INPP5A: variants seen among roughly 807,000 people sequenced by gnomAD.
INPP5A encodes the protein 43 kDa inositol polyphosphate 5-phophatase.
INPP5A carries 14 observed loss-of-function variants against 65.2 expected under a neutral mutation model. The ratio of observed to expected loss-of-function variants is 0.21; its 90% CI spans 0.14 to 0.34. The LOEUF (loss-of-function observed/expected upper bound fraction) is 0.34, where lower values mean the gene tolerates loss of function less well. INPP5A is among the 10% of genes least tolerant of loss of function. The pLI, the probability that INPP5A is intolerant of heterozygous loss-of-function variation, is 1.00. For missense variants in INPP5A, 431 were observed against 545.6 expected (o/e 0.79, Z 2.09); for synonymous variants, 207 against 208.3 (o/e 0.99, Z 0.05).
intron 1 of INPP5A, among the ~76,000 whole-genome samples, chr10:132,576,293 C>T (rs78485287): frequency 0.023 from 3,548 of 152,334 alleles, 49 homozygotes; most frequent in South Asian, 0.039. Context: ...TCCTGAGGCT[C>T]ACAGCACAGC....
At chr10:132,765,743 A>G (rs1846830549) in intron 11 of INPP5A, 30 bp from the exon 12 acceptor site, 1 of 1,439,078 alleles carries the variant, frequency 6.9e-7, no homozygotes, top group African/African-American at 1.4e-5. Context: ...AACCAATGTG[A>G]CTTTATTTTC....
rs2071567699 is a variant in INPP5A, at chr10:132,587,982, A to T, written c.76-19933A>T. On this transcript the variant is annotated intron_variant, in intron 1 of 15. Coordinates refer to ENST00000368594, the MANE Select transcript of INPP5A (RefSeq NM_005539.5). The surrounding 1 kb of genome is among the most constrained non-coding windows in gnomAD (Gnocchi z 4.3). ...AGCCAAGATGGCGCCATTGCCCTCC[A>T]GCCTGGGCAACAAGAGTAAAACTCC... Among the ~76,000 whole-genome samples, 1 of 138,710 alleles carries T rather than the reference A, an allele frequency of 7.2e-6. No homozygotes were observed. The highest frequency in any genetic ancestry group is 2.5e-4 in the South Asian group (1 of 4,058). 91.0% of individuals were successfully genotyped at this position (138,710 alleles called of 152,430 possible).
At chr10:132,655,526 C>T (rs894181492) in intron 4 of INPP5A, among the ~76,000 whole-genome samples, 3 of 152,238 alleles carry the variant, frequency 2.0e-5, no homozygotes, top group African/African-American at 7.2e-5. Flanking sequence ...AGTCAGCGCC[C>T]AGAGAGCCGA....
intron 1 of INPP5A, among the ~76,000 whole-genome samples, chr10:132,560,256 C>T (rs1179796601): frequency 2.7e-5 from 4 of 149,840 alleles, no homozygotes; most frequent in Admixed American, 6.7e-5. Context: ...TGCTGGGTCA[C>T]GATGTGTCTT....
At chr10:132,701,722 A>G (rs2134508270) in intron 6 of INPP5A, among the ~76,000 whole-genome samples, 1 of 151,794 alleles carries the variant, frequency 6.6e-6, no homozygotes, top group East Asian at 1.9e-4. Flanking sequence ...CCTGCTGATG[A>G]CTCTGGGGAC....
chr10:132,745,635 C>T (rs1184951634), intron 9 of INPP5A, among the ~76,000 whole-genome samples: 3 of 129,852 alleles, frequency 2.3e-5, no homozygotes, highest in Admixed American at 7.6e-5. Context: ...TGGTGGGCCT[C>T]GGGCGTGGTG....
chr10:132,620,226 G>A (rs2072091694), intron 2 of INPP5A, among the ~76,000 whole-genome samples: 1 of 152,242 alleles, frequency 6.6e-6, no homozygotes, highest in Admixed American at 6.5e-5. Context: ...TGTCTCGTCT[G>A]TTGGCACTCG....
At chr10:132,633,278 T>G (rs2072298099) in intron 2 of INPP5A, among the ~76,000 whole-genome samples, 4 of 152,156 alleles carry the variant, frequency 2.6e-5, no homozygotes, top group African/African-American at 9.7e-5. Context: ...AGTGAAGCAT[T>G]TACATTTACC....
intron 11 of INPP5A, among the ~76,000 whole-genome samples, chr10:132,750,197 A>T (rs1256658871): frequency 6.6e-6 from 1 of 152,238 alleles, no homozygotes; most frequent in Non-Finnish European, 1.5e-5. Flanking sequence ...CCTCACTCTG[A>T]AGTGGGAGAC....
At chr10:132,642,888 C>G (rs970975419) in intron 2 of INPP5A, among the ~76,000 whole-genome samples, 5 of 152,152 alleles carry the variant, frequency 3.3e-5, no homozygotes, top group African/African-American at 1.2e-4. Flanking sequence ...CTGTCACGTG[C>G]TTGAAATCTT....
chr10:132,672,691 C>T (rs182413068), intron 4 of INPP5A, among the ~76,000 whole-genome samples: 4 of 152,304 alleles, frequency 2.6e-5, no homozygotes, highest in Admixed American at 1.3e-4. Flanking sequence ...CAAACTAATA[C>T]AAGGTCTTTC....
intron 9 of INPP5A, among the ~76,000 whole-genome samples, chr10:132,738,313 G>A (rs781443756): frequency 7.2e-5 from 11 of 152,212 alleles, no homozygotes; most frequent in African/African-American, 2.7e-4. Context: ...TTCACACATC[G>A]CACCCGGCTC....
At chr10:132,744,955 C>G (rs554030478) in intron 9 of INPP5A, among the ~76,000 whole-genome samples, 1 of 152,188 alleles carries the variant, frequency 6.6e-6, no homozygotes, top group South Asian at 2.1e-4. Flanking sequence ...CTGGGCCCGG[C>G]GGTGCAGCCC....
At position 132,637,470 on chromosome 10, in the gene INPP5A, C is replaced by T. The variant is rs1358973978; in HGVS notation, c.118-8398C>T. 2.0e-5 allele frequency among the ~76,000 whole-genome samples: 3 copies of T among 152,104 alleles called. No homozygotes were observed. The highest frequency in any genetic ancestry group is 2.9e-5 in the Non-Finnish European group (2 of 68,034). On this transcript the variant is annotated intron_variant, in intron 2 of 15. Coordinates refer to ENST00000368594, the MANE Select transcript of INPP5A (RefSeq NM_005539.5). This position sits in a 1 kb window ranked among gnomAD's most constrained non-coding sequence, Gnocchi z 4.1. ...TTATAGTTTTAAATGTTAGGTGTTT[C>T]GGGTGTCCTTTGGGTCCCTGATCCT... is the stretch of plus-strand genomic sequence containing the variant.
intron 12 of INPP5A, among the ~76,000 whole-genome samples, chr10:132,766,564 G>A (rs1157587381): frequency 6.6e-6 from 1 of 152,236 alleles, no homozygotes; most frequent in Non-Finnish European, 1.5e-5. Flanking sequence ...GGATGTGTGT[G>A]CATAAGGTGT....
At chr10:132,610,232 C>A (rs1243583300) in intron 2 of INPP5A, among the ~76,000 whole-genome samples, 1 of 152,192 alleles carries the variant, frequency 6.6e-6, no homozygotes, top group East Asian at 1.9e-4. Context: ...TGTGAGGGAC[C>A]GGAAAGGTCG....
intron 1 of INPP5A, among the ~76,000 whole-genome samples, chr10:132,539,964 C>CT (rs1335189105): frequency 6.6e-6 from 1 of 152,192 alleles, no homozygotes; most frequent in East Asian, 1.9e-4. Context: ...TTTCCTCACA[C>CT]TTTATTATTA....
At chr10:132,729,892 C>G (rs1304933209) in intron 9 of INPP5A, among the ~76,000 whole-genome samples, 1 of 152,232 alleles carries the variant, frequency 6.6e-6, no homozygotes, top group Non-Finnish European at 1.5e-5. Context: ...CTGCCACTTT[C>G]TCCTGAGAGT....
intron 1 of INPP5A, among the ~76,000 whole-genome samples, chr10:132,559,217 C>G (rs1415278094): frequency 1.3e-5 from 2 of 152,240 alleles, no homozygotes; most frequent in East Asian, 3.8e-4. Flanking sequence ...TGTGGCAGCT[C>G]TCTTAGGGCC....
Sources: allele counts gnomAD v4.1 joint callset (sites outside exome capture counted in the v4.1 genomes callset), GRCh38; gene constraint gnomAD v4.1.1; non-coding constraint Gnocchi (gnomAD v3.1); transcripts MANE v1.5; gene names NCBI Gene and HGNC (gene_info 2026-07-23, HGNC 2026-07-21).